Variants in ZNF717 observed in about 807,000 individuals in gnomAD.
ZNF717 encodes the protein krueppel-like factor X17.
In ZNF717, 9 loss-of-function variants were observed where a neutral mutation model predicts 13.8. That is an observed-to-expected ratio of 0.65 (90% CI 0.39 to 1.14). The LOEUF is 1.14. Ranked by LOEUF, ZNF717 falls within the 50% of genes most tolerant of loss-of-function variation. ZNF717 has a pLI of 0.01. For synonymous variants in ZNF717, 327 were observed against 364.1 expected (o/e 0.90, Z 1.16); for missense variants, 1,040 against 1,080.7 (o/e 0.96, Z 0.53).
chr3:75,718,319 A>T (rs1866404), intron 4 of ZNF717, among the ~76,000 whole-genome samples: 62,977 of 151,830 alleles, frequency 0.41, 13,489 homozygotes, highest in South Asian at 0.61. Flanking sequence ...CTGGAGGAAG[A>T]CATTCGGCTG....
intron 2 of ZNF717, among the ~76,000 whole-genome samples, chr3:75,771,633 C>T (rs113067103): frequency 9.5e-4 from 144 of 152,334 alleles, no homozygotes; most frequent in Middle Eastern, 6.8e-3. Flanking sequence ...GTGGAGCAGT[C>T]GCTACGGAGA....
At chr3:75,776,326 A>G (rs1944315569) in intron 2 of ZNF717, among the ~76,000 whole-genome samples, 1 of 152,290 alleles carries the variant, frequency 6.6e-6, no homozygotes, top group Non-Finnish European at 1.5e-5. Context: ...TCCTAGGAAA[A>G]CAATCAAAAC....
At chr3:75,743,120 T>C (rs1940689953) in intron 2 of ZNF717, among the ~76,000 whole-genome samples, 1 of 152,308 alleles carries the variant, frequency 6.6e-6, no homozygotes, top group South Asian at 2.1e-4. Flanking sequence ...TTCATAATAC[T>C]ATGATCTTCA....
chr3:75,755,632 G>A (rs1251294963), intron 2 of ZNF717, among the ~76,000 whole-genome samples: 1 of 152,154 alleles, frequency 6.6e-6, no homozygotes, highest in Non-Finnish European at 1.5e-5. Flanking sequence ...TCTTATTTGT[G>A]GGACAGTGGG....
At chr3:75,713,114 C>G (rs1173319839) in intron 5 of ZNF717, among the ~76,000 whole-genome samples, 1 of 151,868 alleles carries the variant, frequency 6.6e-6, no homozygotes, top group East Asian at 1.9e-4. Context: ...CCTGTTCCCC[C>G]ACCCCACAAA....
rs1898698 is a variant in ZNF717 at position 75,702,131 on chromosome 3, G to C, written n.1085+9056C>G. ...CCCACTGCTCAGTATATGCCTAAAAGAAATAAAATTGGTAAATCAAAGACA... is the reference window on the plus strand; with the variant it reads ...CCCACTGCTCAGTATATGCCTAAAACAAATAAAATTGGTAAATCAAAGACA... On this transcript the variant is annotated intron_variant and non_coding_transcript_variant, in intron 6 of 6. Transcript: ENST00000648506. 1.3e-3 allele frequency among the ~76,000 whole-genome samples: 195 copies of C among 151,250 alleles called. No individual in the cohort carries two copies. The East Asian group carries it at 0.023, about 18-fold the overall frequency.
intron 2 of ZNF717, among the ~76,000 whole-genome samples, chr3:75,781,754 G>A (rs1944839012): frequency 6.6e-6 from 1 of 152,124 alleles, no homozygotes; most frequent in South Asian, 2.1e-4. Context: ...GGCAAGTGAT[G>A]TCTGCAGTTC....
chr3:75,747,452 G>A (rs1431139873), intron 2 of ZNF717, among the ~76,000 whole-genome samples: 3 of 151,672 alleles, frequency 2.0e-5, no homozygotes, highest in Non-Finnish European at 4.4e-5. Context: ...ACCTTGGGCA[G>A]TATGGCGATT....
At chr3:75,714,795 C>G (rs150666997) in intron 5 of ZNF717, among the ~76,000 whole-genome samples, 1 of 152,150 alleles carries the variant, frequency 6.6e-6, no homozygotes, top group Non-Finnish European at 1.5e-5. Context: ...AATTAAAAAG[C>G]ATTTAGGTTA....
Position 75,739,137 on chromosome 3 carries a change from G to C in ZNF717, c.486C>G (p.Cys162Trp). 1 of 1,550,588 alleles carries C rather than the reference G, an allele frequency of 6.4e-7. No individual in the cohort carries two copies. Among genetic ancestry groups the C allele is most frequent in the Non-Finnish European group, 8.7e-7 (1 of 1,146,294 alleles). Residue 162 changes from cysteine (C) to tryptophan (W), a missense_variant, in exon 5 of 5, where the codon TGC (cysteine) becomes TGG (tryptophan). Cys to Trp is a radical substitution (Grantham distance 215, BLOSUM62 -2). Around this residue, in one of 3 missense-constraint regions of ZNF717, gnomAD observed 873 missense variants for 832.8 expected, o/e 1.05. Coordinates refer to ENST00000652011, the MANE Select transcript of ZNF717 (RefSeq NM_001290208.3). ...GCTTAATAGGGAAAAGCATGTTCTG[G>C]CAATCATTAAACTGCCCAGGCTTCA... ...SGMKPGQFNDCQNMLFPIKPG... is the reference protein window; with the variant it reads ...SGMKPGQFNDWQNMLFPIKPG...
At chr3:75,734,423 GT>G (rs1231102186), downstream of ZNF717, among the ~76,000 whole-genome samples, 1 of 36,612 alleles carries the variant, frequency 2.7e-5, no homozygotes, top group South Asian at 1.0e-3. Flanking sequence ...GGTAAAATGG[GT>G]TTTTTTTGTT....
In ZNF717 at chr3:75,737,124, G is replaced by A; in HGVS notation, c.2499C>T (p.His833=). ...AGGGTTTTTCCCCTGTGTGAGTTCT[G>A]TGATGTACAAAGAGTTTTGACTTCT... The part of the protein sequence containing the change: ...FSQKSKLFVH[H]RTHTGEKPFR... The change falls in exon 5 of 5, where the codon CAC becomes CAT. Residue 833 remains histidine, a synonymous_variant. Transcript: ENST00000652011. The A allele has an allele frequency of 6.4e-7, 1 of 1,569,386 alleles. No homozygotes were observed. Among genetic ancestry groups the A allele is most frequent in the Non-Finnish European group, 8.6e-7 (1 of 1,157,438 alleles).
chr3:75,784,223 A>G (rs561903456), intron 1 of ZNF717, among the ~76,000 whole-genome samples: 61 of 152,358 alleles, frequency 4.0e-4, no homozygotes, highest in African/African-American at 1.4e-3. Context: ...CAACATAAAT[A>G]TATCAACTAC....
chr3:75,767,228 C>T (rs1487037646), intron 2 of ZNF717, among the ~76,000 whole-genome samples: 2 of 152,188 alleles, frequency 1.3e-5, no homozygotes, highest in Non-Finnish European at 2.9e-5. Context: ...CCCCACTGAG[C>T]CTCCAGCAAC....
downstream of ZNF717, among the ~76,000 whole-genome samples, chr3:75,705,454 T>C: frequency 6.6e-6 from 1 of 152,430 alleles, no homozygotes; most frequent in African/African-American, 2.4e-5. Flanking sequence ...TGCCTCTTAA[T>C]ATCAGGCTTT....
At chr3:75,731,061 C>T (rs1201025269), downstream of ZNF717, among the ~76,000 whole-genome samples, 2 of 151,898 alleles carry the variant, frequency 1.3e-5, no homozygotes, top group South Asian at 4.2e-4. Context: ...GTCAACATGG[C>T]AAAACCCTGT....
chr3:75,770,164 A>C (rs780235683), intron 2 of ZNF717, among the ~76,000 whole-genome samples: 5 of 152,200 alleles, frequency 3.3e-5, no homozygotes, highest in Non-Finnish European at 5.9e-5. Context: ...CACCCCCTTC[A>C]GGTTTTGCCA....
intron 6 of ZNF717, among the ~76,000 whole-genome samples, chr3:75,701,092 CA>C (rs1278139506): frequency 6.6e-6 from 1 of 152,306 alleles, no homozygotes; most frequent in Non-Finnish European, 1.5e-5. Context: ...TGTCCCCACC[CA>C]AATCTCATAT....
chr3:75,769,100 G>C (rs969513808), intron 2 of ZNF717, among the ~76,000 whole-genome samples: 3 of 152,172 alleles, frequency 2.0e-5, no homozygotes, highest in African/African-American at 7.2e-5. Context: ...CATCAAAAGG[G>C]GGAATCTAAT....
Sources: gnomAD v4.1 joint callset for allele counts (sites outside exome capture counted in the v4.1 genomes callset) on GRCh38, gnomAD v4.1.1 for gene constraint, gnomAD v4.1.1 regional missense constraint, MANE v1.5 for transcripts, NCBI Gene and HGNC (gene_info 2026-07-23, HGNC 2026-07-21) for gene names.